KCNMA1: variants seen among roughly 807,000 people sequenced by gnomAD.
The protein encoded by KCNMA1 is Calcium-activated potassium channel subunit alpha-1.
KCNMA1 carries 29 observed loss-of-function variants against 140.0 expected under a neutral mutation model. The observed-to-expected ratio is 0.21, with a 90% CI of 0.15 to 0.28. The LOEUF is 0.28. Among genes scored for constraint, KCNMA1 ranks in the 10% least tolerant of loss-of-function variants. The pLI, the probability that KCNMA1 is intolerant of heterozygous loss-of-function variation, is 1.00. For synonymous variants in KCNMA1, 612 were observed against 611.9 expected (o/e 1.00, Z 0.00); for missense variants, 880 against 1,602.2 (o/e 0.55, Z 7.70).
At chr10:77,002,252 C>T (rs759447896) in intron 18 of KCNMA1, among the ~76,000 whole-genome samples, 11 of 152,128 alleles carry the variant, frequency 7.2e-5, no homozygotes, top group Non-Finnish European at 1.6e-4. Flanking sequence ...ATAAGAAATG[C>T]AGCTACTCAA....
intron 2 of KCNMA1, among the ~76,000 whole-genome samples, chr10:77,274,708 A>T (rs944249981): frequency 6.6e-6 from 1 of 152,204 alleles, no homozygotes; most frequent in African/African-American, 2.4e-5. Flanking sequence ...TCCATTTGTC[A>T]TCCCAGAGAC....
At chr10:77,192,332 A>T (rs115579679) in intron 3 of KCNMA1, among the ~76,000 whole-genome samples, 1,564 of 152,270 alleles carry the variant, frequency 0.01, 35 homozygotes, top group African/African-American at 0.035. Flanking sequence ...ATTTTATCTA[A>T]CAAGACTTCA....
chr10:77,078,970 T>C (rs2096483147), intron 13 of KCNMA1, among the ~76,000 whole-genome samples: 1 of 152,122 alleles, frequency 6.6e-6, no homozygotes, highest in African/African-American at 2.4e-5. Context: ...AAACACGTTG[T>C]TTGGACTAAA....
intron 1 of KCNMA1, among the ~76,000 whole-genome samples, chr10:77,464,975 C>T (rs2097957609): frequency 6.6e-6 from 1 of 152,120 alleles, no homozygotes. Flanking sequence ...GGACGACGGC[C>T]GTGTATAAAT....
intron 1 of KCNMA1, among the ~76,000 whole-genome samples, chr10:77,523,274 A>T (rs895891921): frequency 6.6e-6 from 1 of 150,386 alleles, no homozygotes; most frequent in Non-Finnish European, 1.5e-5. Context: ...AATTATTAAC[A>T]TCAGTCACCT....
intron 3 of KCNMA1, among the ~76,000 whole-genome samples, chr10:77,235,478 C>T (rs189010959): frequency 6.6e-6 from 1 of 152,240 alleles, no homozygotes; most frequent in Non-Finnish European, 1.5e-5. Context: ...CCTGGTCACC[C>T]GGAGGTGGCA....
In KCNMA1 at chr10:77,525,789, T is replaced by C. The variant is rs574229355; in HGVS notation, c.378+111476A>G. On this transcript the variant is annotated intron_variant, in intron 1 of 27. Transcript: ENST00000286628. Reference sequence around the variant, plus strand: ...CAAAAGATGTCACCCTCCTCCTCGTTACTAACATGGCCCCATCTTGTCCAG... The same window carrying C: ...CAAAAGATGTCACCCTCCTCCTCGTCACTAACATGGCCCCATCTTGTCCAG... Among the ~76,000 whole-genome samples the C allele has an allele frequency of 1.2e-3, 180 of 152,320 alleles. 2 individuals are homozygous for C. Among genetic ancestry groups the C allele is most frequent in the Non-Finnish European group, 2.1e-3 (145 of 68,026 alleles).
chr10:77,521,874 A>G (rs1047322645), intron 1 of KCNMA1, among the ~76,000 whole-genome samples: 1 of 152,086 alleles, frequency 6.6e-6, no homozygotes, highest in African/African-American at 2.4e-5. Context: ...TGATTTCTGG[A>G]GACCCTAAGA....
chr10:77,083,327 A>C (rs181829956), intron 12 of KCNMA1, among the ~76,000 whole-genome samples: 1 of 152,136 alleles, frequency 6.6e-6, no homozygotes, highest in Non-Finnish European at 1.5e-5. Flanking sequence ...TTGTCACACA[A>C]TGTGACTACT....
chr10:77,106,903 G>A (rs570375744), intron 9 of KCNMA1, among the ~76,000 whole-genome samples: 2 of 152,210 alleles, frequency 1.3e-5, no homozygotes, highest in African/African-American at 4.8e-5. Context: ...GGCTCCATTA[G>A]AGGGAAGATG....
At chr10:77,164,345 G>A (rs995490346) in intron 5 of KCNMA1, among the ~76,000 whole-genome samples, 17 of 152,194 alleles carry the variant, frequency 1.1e-4, no homozygotes, top group Non-Finnish European at 2.1e-4. Flanking sequence ...CCAGCAGGAA[G>A]AGAGATGACC....
intron 1 of KCNMA1, among the ~76,000 whole-genome samples, chr10:77,468,054 C>G (rs2098070456): frequency 6.6e-6 from 1 of 152,116 alleles, no homozygotes; most frequent in Admixed American, 6.6e-5. Context: ...GTCGCCCAGG[C>G]TGGAGTGCAG....
chr10:77,090,672 C>A (rs2096792200), intron 9 of KCNMA1, 162 bp from the exon 10 acceptor site: 2 of 652,800 alleles, frequency 3.1e-6, no homozygotes, highest in South Asian at 1.7e-5. Context: ...GGCAGTGAGG[C>A]AAAGCAGCGG....
intron 9 of KCNMA1, chr10:77,091,336 T>C (rs1229060297): frequency 6.6e-6 from 1 of 152,320 alleles, no homozygotes; most frequent in East Asian, 1.9e-4. Flanking sequence ...TTTCTGGAAG[T>C]AGTGGCTCAC....
At chr10:77,474,626 G>C (rs2098238701) in intron 1 of KCNMA1, among the ~76,000 whole-genome samples, 1 of 152,084 alleles carries the variant, frequency 6.6e-6, no homozygotes, top group Non-Finnish European at 1.5e-5. Context: ...GCCCTGTCTG[G>C]AGGTTCCACA....
In KCNMA1 at chr10:77,517,546, G is replaced by A. The variant is rs191172947; in HGVS notation, c.379-113523C>T. Among the ~76,000 whole-genome samples, 583 of 152,268 alleles carry A rather than the reference G, an allele frequency of 3.8e-3. 1 individual carries two copies. Among genetic ancestry groups the A allele is most frequent in the Non-Finnish European group, 5.7e-3 (388 of 68,010 alleles). ...GGCTGGGGATGCTAAGACCTGCTGG[G>A]TGGTTCTGCTGAGTTGGGGCTCATG... On this transcript the variant is annotated intron_variant, in intron 1 of 27. Coordinates refer to ENST00000286628, the MANE Select transcript of KCNMA1 (RefSeq NM_001161352.2).
intron 1 of KCNMA1, among the ~76,000 whole-genome samples, chr10:77,553,801 A>G (rs1217727300): frequency 1.3e-5 from 2 of 152,116 alleles, no homozygotes; most frequent in East Asian, 3.9e-4. Flanking sequence ...GCCCCACCCA[A>G]GTGTCATCTT....
intron 23 of KCNMA1, among the ~76,000 whole-genome samples, chr10:76,917,246 C>T (rs981455239): frequency 6.6e-6 from 1 of 152,140 alleles, no homozygotes; most frequent in African/African-American, 2.4e-5. Flanking sequence ...CACCTTAAAT[C>T]GGTAATGCTA....
intron 25 of KCNMA1, among the ~76,000 whole-genome samples, chr10:76,906,092 C>A (rs2047726855): frequency 6.6e-6 from 1 of 152,152 alleles, no homozygotes; most frequent in Non-Finnish European, 1.5e-5. Flanking sequence ...GGTTACCCAG[C>A]CAGTAAACAG....
Sources: allele counts gnomAD v4.1 joint callset (sites outside exome capture counted in the v4.1 genomes callset), GRCh38; gene constraint gnomAD v4.1.1; transcripts MANE v1.5; gene names NCBI Gene and HGNC (gene_info 2026-07-23, HGNC 2026-07-21).